The following POLR3B variants were observed in gnomAD, a reference collection of about 807,000 sequenced individuals.
The protein encoded by POLR3B is RNA polymerase III subunit B, also known as DNA-directed RNA polymerase III subunit RPC2.
POLR3B carries 96 observed loss-of-function variants against 147.4 expected under a neutral mutation model. That is an observed-to-expected ratio of 0.65 (90% CI 0.55 to 0.77). The LOEUF (loss-of-function observed/expected upper bound fraction) is 0.77. Ranked by LOEUF, POLR3B falls within the 30% of genes least tolerant of loss-of-function variation. The pLI, the probability that POLR3B is intolerant of heterozygous loss-of-function variation, is 0.00. For missense variants in POLR3B, 1,036 were observed against 1,413.5 expected, an observed-to-expected ratio of 0.73 and a Z score of 4.28; for synonymous variants, 461 against 485.9, an observed-to-expected ratio of 0.95 and a Z score of 0.67.
intron 15 of POLR3B, 64 bp from the exon 16 acceptor site, chr12:106,433,655 A>C: frequency 7.6e-7 from 1 of 1,318,540 alleles, no homozygotes; most frequent in South Asian, 1.2e-5. Context: ...TATTGGTTGG[A>C]TATATTAAAT....
chr12:106,470,002 G>T (rs1474550306), intron 23 of POLR3B, among the ~76,000 whole-genome samples: 3 of 152,196 alleles, frequency 2.0e-5, no homozygotes, highest in Admixed American at 6.5e-5. Flanking sequence ...GGCCTGCCTT[G>T]CTAGGTTGGG....
chr12:106,475,480 A>G (rs1222335028), intron 23 of POLR3B, among the ~76,000 whole-genome samples: 1 of 105,818 alleles, frequency 9.5e-6, no homozygotes, highest in Admixed American at 8.9e-5. Flanking sequence ...AAATTCTCCC[A>G]TTATTAATGT....
chr12:106,405,718 A>T, intron 10 of POLR3B, 139 bp from the exon 11 acceptor site: 1 of 790,808 alleles, frequency 1.3e-6, no homozygotes, highest in South Asian at 1.5e-5. Context: ...ATAAACGTTG[A>T]TTTTCAACTA....
intron 10 of POLR3B, among the ~76,000 whole-genome samples, chr12:106,397,218 T>C (rs1241004489): frequency 2.0e-5 from 3 of 152,240 alleles, no homozygotes; most frequent in Middle Eastern, 3.4e-3. Flanking sequence ...TTTCAACATA[T>C]ACAAAGTACA....
At position 106,397,004 on chromosome 12, in the gene POLR3B, T is replaced by G. The variant is rs553181397; in HGVS notation, c.846+3851T>G. 1.5e-4 allele frequency among the ~76,000 whole-genome samples: 23 copies of G among 151,936 alleles called. No homozygotes were observed. In the South Asian group the frequency reaches 4.0e-3, roughly 26 times the overall value. On this transcript the variant is annotated intron_variant, in intron 10 of 27. Coordinates refer to ENST00000228347, the MANE Select transcript of POLR3B (RefSeq NM_018082.6). ...GGGCATGGTGGCGTGTGCCTGTAGT[T>G]CTGCTACTTGGGAGGCTGAGTGAGG... is the stretch of plus-strand genomic sequence containing the variant.
chr12:106,363,114 C>T (rs2036490574), intron 1 of POLR3B, among the ~76,000 whole-genome samples: 1 of 152,178 alleles, frequency 6.6e-6, no homozygotes, highest in South Asian at 2.1e-4. Flanking sequence ...TGGTTGGTCT[C>T]ACTTTGTGGA....
intron 18 of POLR3B, among the ~76,000 whole-genome samples, chr12:106,438,405 T>TTA (rs941132660): frequency 6.6e-6 from 1 of 151,982 alleles, no homozygotes; most frequent in Non-Finnish European, 1.5e-5. Context: ...GTGTGACAGT[T>TTA]TATATATATA....
intron 1 of POLR3B, among the ~76,000 whole-genome samples, chr12:106,358,664 G>A (rs2036423884): frequency 6.6e-6 from 1 of 152,206 alleles, no homozygotes; most frequent in Admixed American, 6.5e-5. Flanking sequence ...GGAGAAGATA[G>A]CAAAGGAGAG....
intron 23 of POLR3B, among the ~76,000 whole-genome samples, chr12:106,472,261 A>C (rs2038104135): frequency 6.6e-6 from 1 of 150,506 alleles, no homozygotes; most frequent in African/African-American, 2.5e-5. Context: ...CCAGTCTATC[A>C]TTGTTGGACA....
chr12:106,506,117 TG>T (rs2038684041), intron 27 of POLR3B, among the ~76,000 whole-genome samples: 1 of 152,182 alleles, frequency 6.6e-6, no homozygotes, highest in African/African-American at 2.4e-5. Flanking sequence ...GATGGGGGTT[TG>T]CTTCAGTCCT....
rs141642900 is a variant in POLR3B at position 106,479,144 on chromosome 12, A to G, written c.2713+15524A>G. ...GTTTAAGTTCCTTCAGTTCTAGGACATTTTCTTATATTTATTTAGTTAATA... is the reference window on the plus strand; with the variant it reads ...GTTTAAGTTCCTTCAGTTCTAGGACGTTTTCTTATATTTATTTAGTTAATA... On this transcript the variant is annotated intron_variant, in intron 23 of 27. Transcript: ENST00000228347. Among the ~76,000 whole-genome samples, 48 of 151,944 alleles carry G rather than the reference A, an allele frequency of 3.2e-4. 1 individual carries two copies. In the East Asian group the frequency reaches 8.9e-3, roughly 28 times the overall value.
intron 11 of POLR3B, among the ~76,000 whole-genome samples, chr12:106,407,068 T>A (rs187434420): frequency 6.6e-6 from 1 of 152,362 alleles, no homozygotes; most frequent in Admixed American, 6.5e-5. Context: ...TCTCTCATTC[T>A]GCCCCTTGGC....
intron 9 of POLR3B, among the ~76,000 whole-genome samples, chr12:106,387,924 C>T (rs1167536627): frequency 5.9e-5 from 9 of 152,118 alleles, no homozygotes; most frequent in Non-Finnish European, 1.3e-4. Flanking sequence ...TGGTCAGAAA[C>T]CCGGGAAAAC....
chr12:106,431,849 G>A (rs115247497), intron 14 of POLR3B, among the ~76,000 whole-genome samples: 2,356 of 152,046 alleles, frequency 0.015, 61 homozygotes, highest in African/African-American at 0.054. Flanking sequence ...TTTACCTTTC[G>A]TGACCAAGAA....
intron 9 of POLR3B, among the ~76,000 whole-genome samples, chr12:106,380,560 A>G (rs533292081): frequency 2.0e-5 from 3 of 152,150 alleles, no homozygotes; most frequent in Admixed American, 6.6e-5. Context: ...TCCAGCCTGG[A>G]CAACATAGTG....
At chr12:106,364,873 C>T (rs1271699628) in intron 2 of POLR3B, among the ~76,000 whole-genome samples, 1 of 152,178 alleles carries the variant, frequency 6.6e-6, no homozygotes, top group African/African-American at 2.4e-5. Flanking sequence ...CGGTGGCTCA[C>T]GCCTGTAATC....
At chr12:106,406,433 C>T (rs973130557) in intron 11 of POLR3B, among the ~76,000 whole-genome samples, 1 of 152,120 alleles carries the variant, frequency 6.6e-6, no homozygotes, top group Non-Finnish European at 1.5e-5. Context: ...ATATGCGTAA[C>T]ATAAAGTTTA....
intron 12 of POLR3B, among the ~76,000 whole-genome samples, chr12:106,414,619 C>T (rs1224379932): frequency 2.6e-5 from 4 of 152,070 alleles, no homozygotes; most frequent in East Asian, 3.9e-4. Flanking sequence ...TTATTGCTCC[C>T]TACTCCCTAC....
At chr12:106,422,842 T>G (rs1429912158) in intron 12 of POLR3B, among the ~76,000 whole-genome samples, 1 of 152,194 alleles carries the variant, frequency 6.6e-6, no homozygotes, top group Non-Finnish European at 1.5e-5. Context: ...TTCATCAAAG[T>G]AAGTCTTCTA....
Sources: gnomAD v4.1 joint callset for allele counts (sites outside exome capture counted in the v4.1 genomes callset) on GRCh38, gnomAD v4.1.1 for gene constraint, MANE v1.5 for transcripts, NCBI Gene and HGNC (gene_info 2026-07-23, HGNC 2026-07-21) for gene names.